The following MMP26 variants were observed in gnomAD, a reference collection of about 807,000 sequenced individuals.
MMP26 encodes matrix metallopeptidase 26.
A neutral mutation model predicts 31.0 loss-of-function variants in MMP26; 33 were observed. That is an observed-to-expected ratio of 1.06 (90% CI 0.81 to 1.42). MMP26 has a LOEUF of 1.42. Ranked by LOEUF, MMP26 falls within the 40% of genes most tolerant of loss-of-function variation. The pLI is 0.00. For missense variants in MMP26, 347 were observed against 316.1 expected (o/e 1.10, Z -0.74); for synonymous variants, 122 against 114.9 (o/e 1.06, Z -0.40).
intron 1 of MMP26, among the ~76,000 whole-genome samples, chr11:4,715,178 T>C (rs1847911794): frequency 6.6e-6 from 1 of 152,074 alleles, no homozygotes; most frequent in African/African-American, 2.4e-5. Context: ...TTCAAGGTAT[T>C]GGGAATATAA....
intron 2 of MMP26, among the ~76,000 whole-genome samples, chr11:4,896,340 C>T (rs1850703547): frequency 1.3e-5 from 2 of 152,166 alleles, no homozygotes. Flanking sequence ...ATTCCTTGAT[C>T]TATCTTCTGA....
intron 2 of MMP26, among the ~76,000 whole-genome samples, chr11:4,888,890 C>T (rs1460845120): frequency 6.6e-6 from 1 of 152,128 alleles, no homozygotes; most frequent in Non-Finnish European, 1.5e-5. Flanking sequence ...CTGAAAGTCA[C>T]CTGAAAGAAA....
chr11:4,721,009 G>T (rs114044896), intron 1 of MMP26, among the ~76,000 whole-genome samples: 4,515 of 152,298 alleles, frequency 0.03, 231 homozygotes, highest in African/African-American at 0.1. Flanking sequence ...CACTGATAGG[G>T]ACAACAAGCA....
Position 4,989,701 on chromosome 11 carries a change from G to A in MMP26, c.153G>A (p.Gln51=). 1 of 1,613,808 alleles carries A rather than the reference G, an allele frequency of 6.2e-7. No homozygotes were observed. The part of the protein sequence containing the change: ...LTKKESPLLT[Q]ETQTQLLQQF... Reference sequence around the variant, plus strand: ...AGAAGGAGTCGCCACTCCTTACCCAGGAGACACAAACACAGCTCCTGCAAC... The same window carrying A: ...AGAAGGAGTCGCCACTCCTTACCCAAGAGACACAAACACAGCTCCTGCAAC... The change falls in exon 4 of 8, where the codon CAG becomes CAA. Residue 51 remains glutamine (Q), a synonymous_variant. Coordinates refer to ENST00000380390, the MANE Select transcript of MMP26 (RefSeq NM_021801.5).
At position 4,951,911 on chromosome 11, in the gene MMP26, G is replaced by A. The variant is rs538007489; in HGVS notation, c.-144-36157G>A. ...CGTGGGTTAGTTTTGTTCAAAACAC[G>A]TATAGAAACAAAACAGAGAGCTGAA... On this transcript the variant is annotated intron_variant, in intron 2 of 7. Transcript: ENST00000380390. Among the ~76,000 whole-genome samples, 14 of 125,080 alleles carry A rather than the reference G, an allele frequency of 1.1e-4. 2 individuals are homozygous for A. Among genetic ancestry groups the A allele is most frequent in the African/African-American group, 2.7e-4 (10 of 36,950 alleles). The allele number at this position is 125,080 out of a possible 152,430, so 82.1% of individuals were successfully genotyped here. A position where few individuals can be genotyped will look rare whatever the true frequency, so the allele number is the denominator to read the frequency against.
At chr11:4,942,735 C>A (rs1321412898) in intron 2 of MMP26, 1 of 152,026 alleles carries the variant, frequency 6.6e-6, no homozygotes, top group African/African-American at 2.4e-5. Flanking sequence ...ATTTTTCTGG[C>A]TTATCTACAT....
At chr11:4,804,522 A>G in intron 2 of MMP26, 1 of 789,374 alleles carries the variant, frequency 1.3e-6, no homozygotes, top group Non-Finnish European at 2.3e-6. Context: ...TATAAACTAG[A>G]ATAATTTCAA....
At chr11:4,956,694 C>T (rs1189418290) in intron 2 of MMP26, among the ~76,000 whole-genome samples, 2 of 152,130 alleles carry the variant, frequency 1.3e-5, no homozygotes, top group Non-Finnish European at 2.9e-5. Context: ...TCCATCTCCC[C>T]GGACCCATTA....
intron 1 of MMP26, among the ~76,000 whole-genome samples, chr11:4,750,530 C>A (rs1848434870): frequency 6.6e-6 from 1 of 151,980 alleles, no homozygotes; most frequent in Non-Finnish European, 1.5e-5. Flanking sequence ...AAGTGTCCAA[C>A]AGTGGATGAC....
intron 7 of MMP26, 22 bp from the exon 8 acceptor site, chr11:4,992,192 T>TTG (rs777220734): frequency 4.7e-6 from 5 of 1,062,850 alleles, no homozygotes; most frequent in African/African-American, 3.4e-5. Flanking sequence ...TTTACTGTTG[T>TTG]TTTTTTTTTC....
intron 2 of MMP26, chr11:4,919,145 T>A (rs1180590992): frequency 6.6e-6 from 1 of 152,204 alleles, no homozygotes; most frequent in East Asian, 1.9e-4. Flanking sequence ...TGGGATCCCA[T>A]GAAGCCAGCA....
At chr11:4,811,208 C>T (rs549349661) in intron 2 of MMP26, among the ~76,000 whole-genome samples, 2 of 152,272 alleles carry the variant, frequency 1.3e-5, no homozygotes, top group South Asian at 2.1e-4. Context: ...TGTTTCCTTT[C>T]AACTTTTATT....
intron 2 of MMP26, among the ~76,000 whole-genome samples, chr11:4,815,658 T>C (rs190155896): frequency 6.6e-6 from 1 of 152,228 alleles, no homozygotes; most frequent in African/African-American, 2.4e-5. Context: ...TCCTGGAATA[T>C]ATGCTTCAGC....
intron 2 of MMP26, among the ~76,000 whole-genome samples, chr11:4,783,925 A>G (rs1434564305): frequency 6.6e-6 from 1 of 152,184 alleles, no homozygotes; most frequent in African/African-American, 2.4e-5. Context: ...GTGGAGCTTT[A>G]AGTCCAGTTA....
At chr11:4,803,427 C>G in intron 2 of MMP26, 2 of 1,578,812 alleles carry the variant, frequency 1.3e-6, no homozygotes, top group Non-Finnish European at 1.7e-6. Flanking sequence ...TACACTGACC[C>G]TTTGCTCAGG....
intron 2 of MMP26, among the ~76,000 whole-genome samples, chr11:4,925,721 G>T (rs1011100327): frequency 6.8e-6 from 1 of 148,078 alleles, no homozygotes; most frequent in African/African-American, 2.5e-5. Flanking sequence ...GAAATAGGAT[G>T]AAAGTAATAG....
intron 2 of MMP26, among the ~76,000 whole-genome samples, chr11:4,787,948 G>A (rs1391114231): frequency 3.9e-5 from 6 of 151,992 alleles, no homozygotes; most frequent in Admixed American, 2.6e-4. Context: ...AGAAATTCAG[G>A]GACTAGAATA....
intron 1 of MMP26, among the ~76,000 whole-genome samples, chr11:4,707,966 T>TA (rs1847803927): frequency 6.6e-6 from 1 of 152,210 alleles, no homozygotes; most frequent in Non-Finnish European, 1.5e-5. Flanking sequence ...TTTCTTTAAA[T>TA]ACTGCTGTTC....
At position 4,709,593 on chromosome 11, in the gene MMP26, T is replaced by G. The variant is rs556378909; in HGVS notation, c.-217+4548T>G. The G allele has an allele frequency of 3.6e-4, 164 of 453,638 alleles. 1 individual carries two copies. Among genetic ancestry groups the G allele is most frequent in the African/African-American group, 2.8e-3 (141 of 50,118 alleles). The allele number at this position is 453,638 out of a possible 1,614,324, so 28.1% of individuals were successfully genotyped here. On this transcript the variant is annotated intron_variant, in intron 1 of 7. Coordinates refer to ENST00000380390, the MANE Select transcript of MMP26 (RefSeq NM_021801.5). ...CATGCCATCCTTCAACCAGAGTATT[T>G]TCCACCCTGCAGTCTTCTTCCTTAC...
Sources: allele counts gnomAD v4.1 joint callset (sites outside exome capture counted in the v4.1 genomes callset), GRCh38; gene constraint gnomAD v4.1.1; transcripts MANE v1.5; gene names NCBI Gene and HGNC (gene_info 2026-07-23, HGNC 2026-07-21).